Variants in PNLDC1 observed in about 807,000 individuals in gnomAD.
The protein encoded by PNLDC1 is PARN like ribonuclease domain containing exonuclease 1, also known as poly(A)-specific ribonuclease PNLDC1.
A neutral mutation model predicts 82.0 loss-of-function variants in PNLDC1; 70 were observed. That is an observed-to-expected ratio of 0.85 (90% confidence interval 0.70 to 1.04). The LOEUF is 1.04. Among genes scored for constraint, PNLDC1 ranks in the 50% least tolerant of loss-of-function variants. The pLI is 0.00. For missense variants in PNLDC1, 631 were observed against 661.1 expected, an observed-to-expected ratio of 0.95 and a Z score of 0.50; for synonymous variants, 280 against 249.3, an observed-to-expected ratio of 1.12 and a Z score of -1.16.
At chr6:159,816,471 A>C in intron 13 of PNLDC1, 72 bp from the exon 14 acceptor site, 1 of 1,385,122 alleles carries the variant, frequency 7.2e-7, no homozygotes, top group Admixed American at 1.7e-5. Context: ...GCCACTGTGG[A>C]TGGTGAGCTA....
Position 159,816,548 on chromosome 6 carries a change from A to G in PNLDC1, c.1066A>G (p.Thr356Ala). The G allele has an allele frequency of 1.2e-6, 2 of 1,613,690 alleles. No individual in the cohort carries two copies. Among genetic ancestry groups the G allele is most frequent in the Non-Finnish European group, 1.7e-6 (2 of 1,179,868 alleles). Residue 356 changes from threonine (T) to alanine (A), a missense_variant, in exon 14 of 19, where the codon ACA becomes GCA. Coordinates refer to ENST00000392167, the MANE Select transcript of PNLDC1 (RefSeq NM_001271862.2). ...CCTGGTGGAAAATGCCTCAGTTGAG[A>G]CAAAGTGCCCCCACGAAGCCGCGTA... is the stretch of plus-strand genomic sequence containing the variant. ...HASRCEKYVE[T>A]KCPHEAAYDA...
Position 159,803,945 on chromosome 6 carries a change from G to C in PNLDC1, c.249-20G>C. On this transcript the variant is annotated intron_variant, in intron 4 of 18. Coordinates refer to ENST00000392167, the MANE Select transcript of PNLDC1 (RefSeq NM_001271862.2). ...TTTAAATGGTTGTGGCTTTTTCTCT[G>C]TATGTTTGTTTTATTATAGGTATAT... 1 of 1,601,760 alleles carries C rather than the reference G, an allele frequency of 6.2e-7. No homozygotes were observed. Among genetic ancestry groups the C allele is most frequent in the Non-Finnish European group, 8.5e-7 (1 of 1,176,172 alleles).
rs1412988297 is a variant in PNLDC1, at chr6:159,818,548, C to T, written c.1158-7C>T. 10 of 1,613,184 alleles carry T rather than the reference C, an allele frequency of 6.2e-6. No homozygotes were observed. The highest frequency in any genetic ancestry group is 5.9e-6 in the Non-Finnish European group (7 of 1,179,794). On this transcript the variant is annotated splice_region_variant and splice_polypyrimidine_tract_variant and intron_variant, in intron 15 of 18. Transcript: ENST00000392167. ...CCCGACAGCTTTGGGGTTTTCTGTC[C>T]TTGCAGCATCGACCCCGTGCCCGAG...
Position 159,804,107 on chromosome 6 carries a change from G to A in PNLDC1, c.372+19G>A. ...TAACAAGGTATGGCATTGGAGGAGG[G>A]GAACGGGAATGTCTTTTGTTTGTTT... is the stretch of plus-strand genomic sequence containing the variant. On this transcript the variant is annotated intron_variant, in intron 5 of 18. Transcript: ENST00000392167. 2 of 1,611,154 alleles carry A rather than the reference G, an allele frequency of 1.2e-6. No individual in the cohort carries two copies. The highest frequency in any genetic ancestry group is 1.7e-6 in the Non-Finnish European group (2 of 1,178,934).
intron 13 of PNLDC1, among the ~76,000 whole-genome samples, 194 bp from the exon 14 acceptor site, chr6:159,816,349 A>G (rs762857513): frequency 4.6e-4 from 69 of 150,836 alleles, no homozygotes; most frequent in Admixed American, 1.2e-3. Context: ...TCCTTAGTCT[A>G]TAAGGCAGCT....
chr6:159,808,862 C>T, intron 8 of PNLDC1, 46 bp downstream of exon 8: 5 of 1,605,118 alleles, frequency 3.1e-6, no homozygotes, highest in Admixed American at 1.7e-5. Context: ...CATTGTTTCT[C>T]TCTCATAATT....
At chr6:159,809,896 A>C in intron 9 of PNLDC1, 130 bp from the exon 10 acceptor site, 1 of 721,392 alleles carries the variant, frequency 1.4e-6, no homozygotes, top group South Asian at 1.8e-5. Context: ...AAGGAAGGTT[A>C]GGATGGAACT....
chr6:159,819,401 C>A lies in PNLDC1; in HGVS notation c.1532+49C>A. Reference sequence around the variant, plus strand: ...TGCCTGTCCTGGGGTCCTGGAGTGCCCGGGGTCCCAGCATCCCAGCATGGT... The same window carrying A: ...TGCCTGTCCTGGGGTCCTGGAGTGCACGGGGTCCCAGCATCCCAGCATGGT... On this transcript the variant is annotated intron_variant, in intron 18 of 18. Coordinates refer to ENST00000392167, the MANE Select transcript of PNLDC1 (RefSeq NM_001271862.2). This position sits in a 1 kb window ranked among gnomAD's most constrained non-coding sequence, Gnocchi z 4.6. 1 of 1,539,656 alleles carries A rather than the reference C, an allele frequency of 6.5e-7. No homozygotes were observed. Among genetic ancestry groups the A allele is most frequent in the Non-Finnish European group, 8.9e-7 (1 of 1,123,940 alleles).
At chr6:159,809,259 A>G in intron 9 of PNLDC1, 101 bp downstream of exon 9, 2 of 1,427,126 alleles carry the variant, frequency 1.4e-6, no homozygotes, top group South Asian at 2.5e-5. Context: ...ATTCTTTGAG[A>G]TAAGTGATTC....
At position 159,800,343 on chromosome 6, in the gene PNLDC1, C is replaced by T; in HGVS notation, c.36C>T (p.Leu12=). 3 of 1,547,532 alleles carry T rather than the reference C, an allele frequency of 1.9e-6. No homozygotes were observed. The highest frequency in any genetic ancestry group is 1.2e-5 in the South Asian group (1 of 83,862). The change falls in exon 1 of 19, where the codon CTC becomes CTT. Residue 12 remains leucine, a synonymous_variant. Coordinates refer to ENST00000392167, the MANE Select transcript of PNLDC1 (RefSeq NM_001271862.2). ...GCGCCGACGAGTTCGAGGAGAGCCT[C>T]CCTCTGCTGCAGGAGCTCGTCCAGG... ...DVGADEFEES[L]PLLQELVQEA...
chr6:159,815,185 TTTCTCTGCA>T (rs1415102088), intron 12 of PNLDC1, among the ~76,000 whole-genome samples: 1 of 152,246 alleles, frequency 6.6e-6, no homozygotes, highest in Non-Finnish European at 1.5e-5. Context: ...AAACCTCTCC[TTTCTCTGCA>T]TTCTCAGGAT....
intron 4 of PNLDC1, 47 bp from the exon 5 acceptor site, chr6:159,803,918 T>C: frequency 1.3e-6 from 2 of 1,575,224 alleles, no homozygotes; most frequent in Non-Finnish European, 1.7e-6. Flanking sequence ...GAGCCAGAGT[T>C]TTTTAAATGG....
rs1781240461 is a variant in PNLDC1 at position 159,801,196 on chromosome 6, A to G, written c.208+10A>G. ...ACAGTCTGTCAGATTGGTGAGTTTA[A>G]TATCAGCTGTTAGAGTTTTTCAAGA... On this transcript the variant is annotated intron_variant, in intron 3 of 18. Coordinates refer to ENST00000392167, the MANE Select transcript of PNLDC1 (RefSeq NM_001271862.2). The G allele has an allele frequency of 1.2e-6, 2 of 1,611,118 alleles. No individual in the cohort carries two copies. Among genetic ancestry groups the G allele is most frequent in the Non-Finnish European group, 1.7e-6 (2 of 1,177,232 alleles).
chr6:159,818,208 A>G (rs1471066472), intron 15 of PNLDC1, among the ~76,000 whole-genome samples: 3 of 152,200 alleles, frequency 2.0e-5, no homozygotes, highest in Non-Finnish European at 4.4e-5. Flanking sequence ...TTGGAATCAA[A>G]GGTGATGTCT....
chr6:159,804,214 C>A, intron 5 of PNLDC1, 126 bp downstream of exon 5: 1 of 1,132,878 alleles, frequency 8.8e-7, no homozygotes, highest in African/African-American at 1.6e-5. Context: ...GATTTTCCTG[C>A]TTCAGCCTCC....
rs746048327 is a variant in PNLDC1, at chr6:159,820,405, C to G, written c.1533-49C>G. The G allele has an allele frequency of 4.4e-6, 7 of 1,596,032 alleles. No homozygotes were observed. The South Asian group carries it at 5.5e-5, about 13-fold the overall frequency. On this transcript the variant is annotated intron_variant, in intron 18 of 18. Coordinates refer to ENST00000392167, the MANE Select transcript of PNLDC1 (RefSeq NM_001271862.2). Reference sequence around the variant, plus strand: ...GAGGGGCAAGCCTGTGTCGGTGCCTCTCGGCCTGCTGGGTGCCCCGGCCAC... The same window carrying G: ...GAGGGGCAAGCCTGTGTCGGTGCCTGTCGGCCTGCTGGGTGCCCCGGCCAC...
rs759085705 is a variant in PNLDC1, at chr6:159,805,993, A to G, written c.472A>G (p.Lys158Glu). 7 of 1,614,090 alleles carry G rather than the reference A, an allele frequency of 4.3e-6. 1 individual carries two copies. The South Asian group carries it at 7.7e-5, about 18-fold the overall frequency. The part of the protein sequence containing the change: ...GNWRVRSSPD[K>E]DQIKVVIDEV... The stretch of plus-strand genomic sequence containing the variant: ...TGCGCCCATTTTCAGCTCTCCGGAT[A>G]AAGACCAAATCAAGGTGGTGATTGA... The change falls in exon 7 of 19, where the codon AAA (lysine) becomes GAA (glutamate). Residue 158 changes from lysine to glutamate, a missense_variant. Lys to Glu is a moderately conservative substitution (Grantham distance 56). Coordinates refer to ENST00000392167, the MANE Select transcript of PNLDC1 (RefSeq NM_001271862.2).
At chr6:159,804,850 C>G (rs538639712) in intron 6 of PNLDC1, among the ~76,000 whole-genome samples, 1 of 152,226 alleles carries the variant, frequency 6.6e-6, no homozygotes, top group African/African-American at 2.4e-5. Context: ...CCTAATGAAC[C>G]TCTCACTGCG....
In PNLDC1 at chr6:159,809,193, C is replaced by T. The variant is rs1781562108; in HGVS notation, c.783+35C>T. Reference sequence around the variant, plus strand: ...CATGTCTCTTTTCTTGGCCTAAAGGCAGTCTTTAGTATTTCTGGTCATAGA... The same window carrying T: ...CATGTCTCTTTTCTTGGCCTAAAGGTAGTCTTTAGTATTTCTGGTCATAGA... On this transcript the variant is annotated intron_variant, in intron 9 of 18. Transcript: ENST00000392167. 6 of 1,608,040 alleles carry T rather than the reference C, an allele frequency of 3.7e-6. No homozygotes were observed. In the East Asian group the frequency reaches 1.1e-4, roughly 30 times the overall value.
Sources: allele counts gnomAD v4.1 joint callset (sites outside exome capture counted in the v4.1 genomes callset), GRCh38; gene constraint gnomAD v4.1.1; non-coding constraint Gnocchi (gnomAD v3.1); transcripts MANE v1.5; gene names NCBI Gene and HGNC (gene_info 2026-07-23, HGNC 2026-07-21).